The following PRKCE variants were observed in gnomAD, a reference collection of about 807,000 sequenced individuals.
The protein encoded by PRKCE is protein kinase C epsilon type.
PRKCE carries 16 observed loss-of-function variants against 85.4 expected under a neutral mutation model. The observed-to-expected ratio is 0.19, with a 90% CI of 0.13 to 0.28. The LOEUF (loss-of-function observed/expected upper bound fraction) is 0.28. Among genes scored for constraint, PRKCE ranks in the 10% least tolerant of loss-of-function variants. PRKCE has a pLI of 1.00. For synonymous variants in PRKCE, 388 were observed against 371.5 expected, an observed-to-expected ratio of 1.04 and a Z score of -0.51; for missense variants, 573 against 975.2, an observed-to-expected ratio of 0.59 and a Z score of 5.49.
intron 2 of PRKCE, among the ~76,000 whole-genome samples, chr2:45,929,171 G>A (rs1343412423): frequency 6.6e-6 from 1 of 152,094 alleles, no homozygotes; most frequent in Admixed American, 6.6e-5. Flanking sequence ...TACCACGCGG[G>A]TCAATCTACC....
At chr2:45,794,849 C>CCA (rs1178154167) in intron 1 of PRKCE, among the ~76,000 whole-genome samples, 1 of 150,968 alleles carries the variant, frequency 6.6e-6, no homozygotes, top group African/African-American at 2.4e-5. Context: ...TGCCCTACCC[C>CCA]CCCCCCCATC....
chr2:45,742,534 AATC>A (rs1348208194), intron 1 of PRKCE, among the ~76,000 whole-genome samples: 1 of 152,210 alleles, frequency 6.6e-6, no homozygotes, highest in Non-Finnish European at 1.5e-5. Context: ...CCACATCACT[AATC>A]ATCAGAGAAA....
rs184584326 is a variant in PRKCE at position 45,914,434 on chromosome 2, T to A, written c.413-61995T>A. Reference sequence around the variant, plus strand: ...CCCTGGGTCTGGAGCTCAGGAGTGTTCTGTGCTGTAGATCTAGATTTAGGA... The same window carrying A: ...CCCTGGGTCTGGAGCTCAGGAGTGTACTGTGCTGTAGATCTAGATTTAGGA... On this transcript the variant is annotated intron_variant, in intron 2 of 14. Coordinates refer to ENST00000306156, the MANE Select transcript of PRKCE (RefSeq NM_005400.3). Among the ~76,000 whole-genome samples the A allele has an allele frequency of 2.6e-5, 4 of 152,296 alleles. No individual in the cohort carries two copies. The East Asian group carries it at 7.7e-4, about 29-fold the overall frequency.
In PRKCE at chr2:46,150,699, G is replaced by C. The variant is rs144062209; in HGVS notation, c.1732-342G>C. On this transcript the variant is annotated intron_variant, in intron 12 of 14. Transcript: ENST00000306156. ...ACAGCTTGTTCTCTCAGTATGCATC[G>C]TGCTCCCCTGACCCTGATTTTAGTG... Among the ~76,000 whole-genome samples, 254 of 152,262 alleles carry C rather than the reference G, an allele frequency of 1.7e-3. 1 individual carries two copies. Among genetic ancestry groups the C allele is most frequent in the African/African-American group, 5.7e-3 (238 of 41,570 alleles).
At chr2:45,958,804 ATATATATATATATTTTTTTTTT>A (rs1701161207) in intron 2 of PRKCE, among the ~76,000 whole-genome samples, 1 of 21,386 alleles carries the variant, frequency 4.7e-5, no homozygotes, top group Non-Finnish European at 8.1e-5. Context: ...ATATATATAT[ATATATATATATATTTTTTTTTT>A]TTTTTTTTTT....
chr2:45,824,216 C>A (rs1201381742), intron 1 of PRKCE, among the ~76,000 whole-genome samples: 1 of 152,220 alleles, frequency 6.6e-6, no homozygotes, highest in African/African-American at 2.4e-5. Flanking sequence ...GTTGTTAACA[C>A]AATTAGTTCC....
chr2:46,027,609 C>T (rs1707212471), intron 10 of PRKCE, among the ~76,000 whole-genome samples: 1 of 152,174 alleles, frequency 6.6e-6, no homozygotes, highest in South Asian at 2.1e-4. Context: ...AGCATCCAAA[C>T]TGTCATAGGC....
chr2:45,830,377 G>C (rs914218325), intron 1 of PRKCE, among the ~76,000 whole-genome samples: 5 of 152,000 alleles, frequency 3.3e-5, no homozygotes, highest in Admixed American at 6.6e-5. Flanking sequence ...TAAATAGGAA[G>C]GCATTTCTGG....
chr2:45,941,456 C>T (rs1402042748), intron 2 of PRKCE, among the ~76,000 whole-genome samples: 1 of 152,186 alleles, frequency 6.6e-6, no homozygotes, highest in East Asian at 1.9e-4. Context: ...AATGGGAGAT[C>T]ATACAGACCT....
intron 1 of PRKCE, among the ~76,000 whole-genome samples, chr2:45,657,388 G>A (rs1675428443): frequency 6.6e-6 from 1 of 152,032 alleles, no homozygotes; most frequent in South Asian, 2.1e-4. Flanking sequence ...GTACAAAGTG[G>A]GTGATAATAA....
At chr2:45,834,592 A>C (rs727308) in intron 1 of PRKCE, among the ~76,000 whole-genome samples, 1 of 149,254 alleles carries the variant, frequency 6.7e-6, no homozygotes, top group Non-Finnish European at 1.5e-5. Flanking sequence ...GCATGTGTGT[A>C]TGTGTGTGTG....
intron 6 of PRKCE, among the ~76,000 whole-genome samples, chr2:45,997,749 G>T (rs1373278862): frequency 2.0e-5 from 3 of 152,136 alleles, no homozygotes; most frequent in African/African-American, 7.2e-5. Flanking sequence ...GTTTTGCCAT[G>T]TTGGCCAGGC....
intron 2 of PRKCE, among the ~76,000 whole-genome samples, chr2:45,881,518 A>G (rs1287772537): frequency 1.3e-5 from 2 of 152,224 alleles, no homozygotes; most frequent in Non-Finnish European, 2.9e-5. Context: ...TTATATTCAA[A>G]GTGCTTCATA....
intron 2 of PRKCE, among the ~76,000 whole-genome samples, chr2:45,899,461 G>A (rs950943756): frequency 2.0e-5 from 3 of 151,146 alleles, no homozygotes; most frequent in Admixed American, 6.6e-5. Context: ...GCTCACTGCA[G>A]CCTCAATCTC....
intron 14 of PRKCE, chr2:46,167,973 G>A (rs933503827): frequency 1.8e-4 from 28 of 152,102 alleles, no homozygotes; most frequent in African/African-American, 5.6e-4. Flanking sequence ...CTTTGACTCT[G>A]GACAAGTGAT....
At chr2:45,948,647 A>T (rs1019913695) in intron 2 of PRKCE, among the ~76,000 whole-genome samples, 7 of 151,626 alleles carry the variant, frequency 4.6e-5, no homozygotes, top group Admixed American at 2.0e-4. Context: ...TCTTAAAAAA[A>T]TTTTTTTTTC....
Position 45,955,663 on chromosome 2 carries a change from C to T in PRKCE, c.413-20766C>T, listed in dbSNP as rs903248033. On this transcript the variant is annotated intron_variant, in intron 2 of 14. Transcript: ENST00000306156. ...GTGAGATGCTCATCTCAAAAACAAA[C>T]CCCCACATGGATAAATAAATGCTTT... Among the ~76,000 whole-genome samples, 3 of 152,084 alleles carry T rather than the reference C, an allele frequency of 2.0e-5. No homozygotes were observed. The East Asian group carries it at 5.8e-4, about 29-fold the overall frequency.
Position 45,905,549 on chromosome 2 carries a change from T to C in PRKCE, c.412+62486T>C, listed in dbSNP as rs552012881. ...ACACAGCTTAAGCACATTGGAGCCC[T>C]GTGAGCTTTCCTAAAAGCTGGGCAA... On this transcript the variant is annotated intron_variant, in intron 2 of 14. Coordinates refer to ENST00000306156, the MANE Select transcript of PRKCE (RefSeq NM_005400.3). The surrounding 1 kb of genome is among the most constrained non-coding windows in gnomAD (Gnocchi z 4.4). 6.6e-6 allele frequency among the ~76,000 whole-genome samples: 1 copy of C among 152,342 alleles called. No individual in the cohort carries two copies. The highest frequency in any genetic ancestry group is 1.9e-4 in the East Asian group (1 of 5,186).
At chr2:45,770,563 A>G (rs184370482) in intron 1 of PRKCE, among the ~76,000 whole-genome samples, 83 of 152,350 alleles carry the variant, frequency 5.4e-4, no homozygotes, top group Non-Finnish European at 1.1e-3. Context: ...AGGACCAGGC[A>G]GGGCACAGCC....
Sources: allele counts gnomAD v4.1 joint callset (sites outside exome capture counted in the v4.1 genomes callset), GRCh38; gene constraint gnomAD v4.1.1; non-coding constraint Gnocchi (gnomAD v3.1); transcripts MANE v1.5; gene names NCBI Gene and HGNC (gene_info 2026-07-23, HGNC 2026-07-21).